DDX10: variants seen among roughly 807,000 people sequenced by gnomAD.
DDX10 encodes the protein DEAD-box helicase 10.
DDX10 carries 74 observed loss-of-function variants against 104.3 expected under a neutral mutation model. The observed-to-expected ratio is 0.71, with a 90% CI of 0.59 to 0.86. The LOEUF (loss-of-function observed/expected upper bound fraction) is 0.86, where lower values mean the gene tolerates loss of function less well. Among genes scored for constraint, DDX10 ranks in the 40% least tolerant of loss-of-function variants. The pLI, the probability that DDX10 is intolerant of heterozygous loss-of-function variation, is 0.00. For synonymous variants in DDX10, 351 were observed against 353.4 expected, an observed-to-expected ratio of 0.99 and a Z score of 0.08; for missense variants, 952 against 1,040.0, an observed-to-expected ratio of 0.92 and a Z score of 1.16.
At chr11:108,756,698 T>G (rs1195230172) in intron 13 of DDX10, among the ~76,000 whole-genome samples, 1 of 152,044 alleles carries the variant, frequency 6.6e-6, no homozygotes, top group Non-Finnish European at 1.5e-5. Flanking sequence ...CTTTCAGAAG[T>G]CCCCTTCATT....
intron 16 of DDX10, among the ~76,000 whole-genome samples, chr11:108,865,236 C>T (rs1027485721): frequency 6.6e-6 from 1 of 152,136 alleles, no homozygotes; most frequent in Non-Finnish European, 1.5e-5. Flanking sequence ...ACCCTGATTT[C>T]TCATCCTGGT....
intron 13 of DDX10, among the ~76,000 whole-genome samples, chr11:108,829,138 CA>C (rs1259758048): frequency 6.6e-6 from 1 of 152,220 alleles, no homozygotes; most frequent in Non-Finnish European, 1.5e-5. Context: ...AAAAGTACAT[CA>C]AATGGATCTA....
chr11:108,732,828 A>G (rs771211190), intron 13 of DDX10, among the ~76,000 whole-genome samples: 1 of 152,246 alleles, frequency 6.6e-6, no homozygotes, highest in African/African-American at 2.4e-5. Context: ...TAAGAGCATG[A>G]ACATACAATT....
chr11:108,909,332 A>C (rs1336296134), intron 16 of DDX10, among the ~76,000 whole-genome samples: 10 of 130,664 alleles, frequency 7.7e-5, no homozygotes, highest in Admixed American at 1.6e-4. Context: ...TCTGTGCCCC[A>C]CTCCCGCCCC....
chr11:108,704,579 T>A (rs2094273274), intron 9 of DDX10, among the ~76,000 whole-genome samples: 1 of 152,206 alleles, frequency 6.6e-6, no homozygotes, highest in South Asian at 2.1e-4. Flanking sequence ...GCTCAGTGTG[T>A]CACCTCACTG....
chr11:108,749,074 C>T (rs985826961), intron 13 of DDX10, among the ~76,000 whole-genome samples: 6 of 151,444 alleles, frequency 4.0e-5, no homozygotes, highest in African/African-American at 1.5e-4. Context: ...CTCTCTTTCT[C>T]TCTCTCTCTC....
At chr11:108,875,341 G>A (rs1863138298) in intron 16 of DDX10, among the ~76,000 whole-genome samples, 2 of 152,184 alleles carry the variant, frequency 1.3e-5, no homozygotes, top group Non-Finnish European at 1.5e-5. Context: ...TGATTTGAAA[G>A]TGCAGATCCT....
rs1325367928 is a variant in DDX10 at position 108,750,855 on chromosome 11, T to C, written c.1965+27393T>C. On this transcript the variant is annotated intron_variant, in intron 13 of 17. Coordinates refer to ENST00000322536, the MANE Select transcript of DDX10 (RefSeq NM_004398.4). Reference sequence around the variant, plus strand: ...TCACTGAAGCCTCAAACTCCTGGGCTCAAGTGGTCCTTCCACTTCAGCCTC... The same window carrying C: ...TCACTGAAGCCTCAAACTCCTGGGCCCAAGTGGTCCTTCCACTTCAGCCTC... Among the ~76,000 whole-genome samples, 5 of 107,068 alleles carry C rather than the reference T, an allele frequency of 4.7e-5. No individual in the cohort carries two copies. The East Asian group carries it at 1.2e-3, about 26-fold the overall frequency. The allele number at this position is 107,068 out of a possible 152,430, so 70.2% of individuals were successfully genotyped here. A position where few individuals can be genotyped will look rare whatever the true frequency, so the allele number is the denominator to read the frequency against.
chr11:108,755,488 C>T (rs1301715332), intron 13 of DDX10, among the ~76,000 whole-genome samples: 4 of 152,018 alleles, frequency 2.6e-5, no homozygotes, highest in Non-Finnish European at 5.9e-5. Context: ...GGGTTGCTTT[C>T]AGGCTACAAC....
At chr11:108,899,508 T>C (rs1449561427) in intron 16 of DDX10, among the ~76,000 whole-genome samples, 1 of 150,664 alleles carries the variant, frequency 6.6e-6, no homozygotes, top group Non-Finnish European at 1.5e-5. Context: ...TTTTTTTTTT[T>C]GTAAAAAGAA....
chr11:108,701,128 T>C (rs558759791), intron 9 of DDX10, among the ~76,000 whole-genome samples: 1 of 152,280 alleles, frequency 6.6e-6, no homozygotes, highest in African/African-American at 2.4e-5. Context: ...CCAAACCTGT[T>C]CTTTTTTCCT....
chr11:108,758,885 A>AT (rs1172624231), intron 13 of DDX10, among the ~76,000 whole-genome samples: 1 of 152,044 alleles, frequency 6.6e-6, no homozygotes, highest in Non-Finnish European at 1.5e-5. Flanking sequence ...GCATGTGGAC[A>AT]TTTTTTGGGG....
chr11:108,817,192 T>G (rs1185912262), intron 13 of DDX10, among the ~76,000 whole-genome samples: 1 of 152,362 alleles, frequency 6.6e-6, no homozygotes, highest in East Asian at 1.9e-4. Flanking sequence ...TGCTGTATTC[T>G]TTCTTTCATA....
Position 108,691,927 on chromosome 11 carries a change from C to T in DDX10, c.1027C>T (p.Leu343Phe), listed in dbSNP as rs1408851743. 1 of 1,614,006 alleles carries T rather than the reference C, an allele frequency of 6.2e-7. No individual in the cohort carries two copies. The highest frequency in any genetic ancestry group is 8.5e-7 in the Non-Finnish European group (1 of 1,179,998). ...CCGGCTACGTCCTGGTGTTTCTATC[C>T]TTGCACTCCATGGTCGACAGCAGCA... is the stretch of plus-strand genomic sequence containing the variant. Reference protein sequence around the residue: ...FCRLRPGVSILALHGRQQQMR... With the variant: ...FCRLRPGVSIFALHGRQQQMR... The change falls in exon 8 of 18, where the codon CTT (leucine) becomes TTT (phenylalanine). Residue 343 changes from leucine to phenylalanine, a missense_variant. Physicochemically the swap from Leu to Phe is conservative, Grantham distance 22 (BLOSUM62 0). This residue lies in a region of DDX10 where 412 missense variants were observed against 479.2 expected (regional missense o/e 0.86). Coordinates refer to ENST00000322536, the MANE Select transcript of DDX10 (RefSeq NM_004398.4).
chr11:108,877,992 T>G (rs969053089), intron 16 of DDX10, among the ~76,000 whole-genome samples: 1 of 152,192 alleles, frequency 6.6e-6, no homozygotes, highest in Non-Finnish European at 1.5e-5. Context: ...ACCTTAGTGA[T>G]TTCTTTTTCC....
chr11:108,934,087 T>C (rs1250752140), intron 17 of DDX10, among the ~76,000 whole-genome samples: 1 of 152,150 alleles, frequency 6.6e-6, no homozygotes, highest in Non-Finnish European at 1.5e-5. Context: ...AGGGTAACCC[T>C]AAGAGGGCAC....
At chr11:108,878,370 T>C (rs1298159394) in intron 16 of DDX10, among the ~76,000 whole-genome samples, 1 of 152,238 alleles carries the variant, frequency 6.6e-6, no homozygotes, top group Non-Finnish European at 1.5e-5. Context: ...TGGATATAGA[T>C]GTGTACCACA....
chr11:108,670,511 C>G (rs879826525), intron 1 of DDX10, among the ~76,000 whole-genome samples: 3 of 152,180 alleles, frequency 2.0e-5, no homozygotes, highest in Admixed American at 6.5e-5. Flanking sequence ...CCGCCATTGA[C>G]TAGGAGCAGC....
intron 16 of DDX10, among the ~76,000 whole-genome samples, chr11:108,896,878 T>G (rs912834926): frequency 6.6e-6 from 1 of 151,072 alleles, no homozygotes; most frequent in African/African-American, 2.4e-5. Flanking sequence ...GGAAAAAAAA[T>G]CCCTGTAGAG....
Sources: gnomAD v4.1 joint callset for allele counts (sites outside exome capture counted in the v4.1 genomes callset) on GRCh38, gnomAD v4.1.1 for gene constraint, gnomAD v4.1.1 regional missense constraint, MANE v1.5 for transcripts, NCBI Gene and HGNC (gene_info 2026-07-23, HGNC 2026-07-21) for gene names.